The following SMIM43 variants were observed in gnomAD, a reference collection of about 807,000 sequenced individuals.
SMIM43 encodes Nodal Enhanced MEsendoderm Peptide.
intron 5 of SMIM43, among the ~76,000 whole-genome samples, chr4:121,761,313 T>A (rs1320325882): frequency 6.6e-6 from 1 of 151,832 alleles, no homozygotes; most frequent in African/African-American, 2.4e-5. Flanking sequence ...AGATACCTTA[T>A]GCATTACATT....
At position 121,760,171 on chromosome 4, in the gene SMIM43, T is replaced by G; in HGVS notation, c.*803A>C. 6.9e-7 allele frequency: 1 copy of G among 1,440,968 alleles called. No individual in the cohort carries two copies. Among genetic ancestry groups the G allele is most frequent in the South Asian group, 1.4e-5 (1 of 70,288 alleles). 89.3% of individuals were successfully genotyped at this position (1,440,968 alleles called of 1,614,324 possible). ...ACTTTATGCTCCTCTGCAACTGTAT[T>G]CTGTAGCCAGGGCATAAAATGTTAG... On this transcript the variant is annotated 3_prime_UTR_variant, in exon 6 of 6. Transcript: ENST00000643802.
rs1187611612 is a variant in SMIM43, at chr4:121,762,785, T to A, written c.*220A>T. The A allele has an allele frequency of 6.6e-6, 1 of 152,228 alleles. No individual in the cohort carries two copies. The highest frequency in any genetic ancestry group is 1.5e-5 in the Non-Finnish European group (1 of 68,050). 9.4% of individuals were successfully genotyped at this position (152,228 alleles called of 1,614,324 possible). On this transcript the variant is annotated 3_prime_UTR_variant, in exon 3 of 6. Transcript: ENST00000643802. ...ATGATGGGCAGGTTAAATTCATGGA[T>A]ACCAGTGGTGCTGCTAGGAAGATTA...
At position 121,763,272 on chromosome 4, in the gene SMIM43, T is replaced by G. The variant is rs192162104; in HGVS notation, c.*207-474A>C. Among the ~76,000 whole-genome samples the G allele has an allele frequency of 2.6e-5, 4 of 152,356 alleles. No individual in the cohort carries two copies. The East Asian group carries it at 7.7e-4, about 29-fold the overall frequency. On this transcript the variant is annotated intron_variant, in intron 2 of 5. Transcript: ENST00000643802. ...CTTTGAAGCATTAAAATAATTGTCTTACACTTCACTTTTATATTATCAACT... is the reference window on the plus strand; with the variant it reads ...CTTTGAAGCATTAAAATAATTGTCTGACACTTCACTTTTATATTATCAACT...
chr4:121,762,288 G>C (rs141313455), intron 3 of SMIM43, among the ~76,000 whole-genome samples: 173 of 152,196 alleles, frequency 1.1e-3, no homozygotes, highest in African/African-American at 4.0e-3. Flanking sequence ...AATGCATAAA[G>C]GTGGCCAAAA....
At position 121,759,288 on chromosome 4, in the gene SMIM43, T is replaced by C. The variant is rs1725925777; in HGVS notation, c.*1686A>G. 1 of 152,220 alleles carries C rather than the reference T, an allele frequency of 6.6e-6. No individual in the cohort carries two copies. The highest frequency in any genetic ancestry group is 1.5e-5 in the Non-Finnish European group (1 of 68,042). 9.4% of individuals were successfully genotyped at this position (152,220 alleles called of 1,614,324 possible). ...TTGAATTTAATTCCAAATACCATTC[T>C]TTCTTTTCCTCTGGGAGACAAATTC... On this transcript the variant is annotated 3_prime_UTR_variant, in exon 6 of 6. Coordinates refer to ENST00000643802, the MANE Select transcript of SMIM43 (RefSeq NM_001384332.1).
rs1725996077 is a variant in SMIM43 at position 121,760,433 on chromosome 4, C to T, written c.*541G>A. 1.3e-6 allele frequency: 2 copies of T among 1,556,596 alleles called. No homozygotes were observed. Among genetic ancestry groups the T allele is most frequent in the Admixed American group, 1.9e-5 (1 of 51,378 alleles). On this transcript the variant is annotated 3_prime_UTR_variant, in exon 6 of 6. Coordinates refer to ENST00000643802, the MANE Select transcript of SMIM43 (RefSeq NM_001384332.1). ...CATGCCCCGTTTTCTCTGTGGGCTT[C>T]CTCCTTCTTCTTGTGGGGTGCTGCG...
At position 121,762,805 on chromosome 4, in the gene SMIM43, A is replaced by G. The variant is rs1726140758; in HGVS notation, c.*207-7T>C. 6.6e-6 allele frequency: 1 copy of G among 152,226 alleles called. No individual in the cohort carries two copies. The highest frequency in any genetic ancestry group is 6.5e-5 in the Admixed American group (1 of 15,288). The allele number at this position is 152,226 out of a possible 1,614,324, so 9.4% of individuals were successfully genotyped here. A position where few individuals can be genotyped will look rare whatever the true frequency, so the allele number is the denominator to read the frequency against. On this transcript the variant is annotated splice_polypyrimidine_tract_variant and splice_region_variant and intron_variant, in intron 2 of 5. Transcript: ENST00000643802. ...ATGGATACCAGTGGTGCTGCTAGGA[A>G]GATTAAAGGATTGTAAACTCAAGAA... is the stretch of plus-strand genomic sequence containing the variant.
rs1726000637 is a variant in SMIM43 at position 121,760,464 on chromosome 4, C to A, written c.*510G>T. On this transcript the variant is annotated 3_prime_UTR_variant, in exon 6 of 6. Coordinates refer to ENST00000643802, the MANE Select transcript of SMIM43 (RefSeq NM_001384332.1). ...TCTTCTTGTGGGGTGCTGCGGGGACCATCTTGGAACCTGGAGGAAAAAGCC... is the reference window on the plus strand; with the variant it reads ...TCTTCTTGTGGGGTGCTGCGGGGACAATCTTGGAACCTGGAGGAAAAAGCC... 1 of 1,541,320 alleles carries A rather than the reference C, an allele frequency of 6.5e-7. No individual in the cohort carries two copies. Among genetic ancestry groups the A allele is most frequent in the African/African-American group, 1.4e-5 (1 of 72,204 alleles).
At chr4:121,761,757 G>A (rs537787482) in intron 4 of SMIM43, 62 bp from the exon 5 acceptor site, 3 of 1,610,226 alleles carry the variant, frequency 1.9e-6, no homozygotes, top group African/African-American at 2.7e-5. Flanking sequence ...TTGCAGGTGT[G>A]AGTGTGATGT....
intron 5 of SMIM43, among the ~76,000 whole-genome samples, chr4:121,760,933 A>G (rs899163542): frequency 3.3e-5 from 5 of 152,190 alleles, no homozygotes; most frequent in African/African-American, 7.2e-5. Flanking sequence ...TCCATCAGAA[A>G]GCTTTTTCTG....
At chr4:121,763,335 T>A (rs1012404769) in intron 2 of SMIM43, among the ~76,000 whole-genome samples, 1 of 152,222 alleles carries the variant, frequency 6.6e-6, no homozygotes, top group African/African-American at 2.4e-5. Flanking sequence ...TTAGCCTCTC[T>A]ATATGGTCTT....
rs1725973890 is a variant in SMIM43, at chr4:121,760,164, A to G, written c.*810T>C. The G allele has an allele frequency of 2.1e-6, 3 of 1,409,532 alleles. No individual in the cohort carries two copies. Among genetic ancestry groups the G allele is most frequent in the Non-Finnish European group, 2.9e-6 (3 of 1,048,760 alleles). The allele number at this position is 1,409,532 out of a possible 1,614,324, so 87.3% of individuals were successfully genotyped here. A position where few individuals can be genotyped will look rare whatever the true frequency, so the allele number is the denominator to read the frequency against. The stretch of plus-strand genomic sequence containing the variant: ...TTTTTGAACTTTATGCTCCTCTGCA[A>G]CTGTATTCTGTAGCCAGGGCATAAA... On this transcript the variant is annotated 3_prime_UTR_variant, in exon 6 of 6. Transcript: ENST00000643802.
chr4:121,760,923 T>A lies in SMIM43; in HGVS notation c.*500-449A>T, dbSNP rs72913988. On this transcript the variant is annotated intron_variant, in intron 5 of 5. Coordinates refer to ENST00000643802, the MANE Select transcript of SMIM43 (RefSeq NM_001384332.1). ...AAAAACAAGGTTTTTTTAACCTTAA[T>A]CCATCAGAAAGCTTTTTCTGCATGC... Among the ~76,000 whole-genome samples, 585 of 152,284 alleles carry A rather than the reference T, an allele frequency of 3.8e-3. 3 individuals are homozygous for A. The highest frequency in any genetic ancestry group is 0.014 in the African/African-American group (563 of 41,554).
rs368376397 is a variant in SMIM43 at position 121,760,380 on chromosome 4, T to C, written c.*594A>G. 2 of 1,606,850 alleles carry C rather than the reference T, an allele frequency of 1.2e-6. No homozygotes were observed. Among genetic ancestry groups the C allele is most frequent in the Non-Finnish European group, 1.7e-6 (2 of 1,176,074 alleles). ...AAAGTTATTGGGCTGCTGAGGAAGC[T>C]CTTTAAAAGGAAGTGGATTTGAACT... On this transcript the variant is annotated 3_prime_UTR_variant, in exon 6 of 6. Transcript: ENST00000643802.
chr4:121,764,109 C>T (rs982474895), intron 1 of SMIM43: 4 of 152,278 alleles, frequency 2.6e-5, no homozygotes, highest in Non-Finnish European at 4.4e-5. Context: ...CCCTCCATGC[C>T]ATCACCCAAA....
intron 5 of SMIM43, 109 bp from the exon 6 acceptor site, chr4:121,760,583 T>C: frequency 7.2e-7 from 1 of 1,393,502 alleles, no homozygotes; most frequent in Non-Finnish European, 9.3e-7. Flanking sequence ...CCTTGTTCTG[T>C]GAGAAAAGAA....
At chr4:121,765,406 G>T (rs560902514), upstream of SMIM43, 2 of 232,568 alleles carry the variant, frequency 8.6e-6, no homozygotes, top group East Asian at 8.8e-5. Context: ...CCGCGGGCAC[G>T]GACGCCAGAA....
rs559874861 is a variant in SMIM43 at position 121,762,000 on chromosome 4, T to G, written c.*279-108A>C. ...TATAATGTAAGAAATTCAAGTCACC[T>G]TCTAACATTGCTGAAGAATCACTAA... On this transcript the variant is annotated intron_variant, in intron 3 of 5. Coordinates refer to ENST00000643802, the MANE Select transcript of SMIM43 (RefSeq NM_001384332.1). 3.2e-6 allele frequency: 3 copies of G among 929,186 alleles called. No homozygotes were observed. The South Asian group carries it at 5.2e-5, about 16-fold the overall frequency. 57.6% of individuals were successfully genotyped at this position (929,186 alleles called of 1,614,324 possible).
At position 121,759,748 on chromosome 4, in the gene SMIM43, G is replaced by A. The variant is rs754621250; in HGVS notation, c.*1226C>T. 6.6e-6 allele frequency: 1 copy of A among 152,222 alleles called. No homozygotes were observed. The highest frequency in any genetic ancestry group is 2.1e-4 in the South Asian group (1 of 4,830). The allele number at this position is 152,222 out of a possible 1,614,324, so 9.4% of individuals were successfully genotyped here. ...TGGTGGAGTCACAGAAAGGAGTAAG[G>A]TAGCCTTTCTTTGCGTAGATTCCCC... is the stretch of plus-strand genomic sequence containing the variant. On this transcript the variant is annotated 3_prime_UTR_variant, in exon 6 of 6. Coordinates refer to ENST00000643802, the MANE Select transcript of SMIM43 (RefSeq NM_001384332.1).
Sources: allele counts gnomAD v4.1 joint callset (sites outside exome capture counted in the v4.1 genomes callset), GRCh38; gene constraint gnomAD v4.1.1; transcripts MANE v1.5; gene names NCBI Gene and HGNC (gene_info 2026-07-23, HGNC 2026-07-21).